Variants in ARB2A observed in about 807,000 individuals in gnomAD.
ARB2A encodes the protein ARB2 cotranscriptional regulator A, also known as cotranscriptional regulator ARB2A.
the ARB2A span, among the ~76,000 whole-genome samples, chr5:93,949,356 A>G: frequency 6.6e-6 from 1 of 151,814 alleles, no homozygotes; most frequent in East Asian, 2.0e-4. Flanking sequence ...AGGTCAAGAG[A>G]TCAAGACCAT....
the ARB2A span, among the ~76,000 whole-genome samples, chr5:93,715,135 G>GA: frequency 3.3e-5 from 5 of 151,890 alleles, no homozygotes; most frequent in Non-Finnish European, 7.4e-5. Context: ...CTACTTTTGT[G>GA]AAAAAAATCT....
chr5:94,002,871 C>G, the ARB2A span, among the ~76,000 whole-genome samples: 1 of 151,970 alleles, frequency 6.6e-6, no homozygotes, highest in Non-Finnish European at 1.5e-5. Flanking sequence ...AACATACACT[C>G]ATAAAGCGGG....
chr5:94,041,536 G>C, the ARB2A span, among the ~76,000 whole-genome samples: 1 of 152,042 alleles, frequency 6.6e-6, no homozygotes, highest in Non-Finnish European at 1.5e-5. Flanking sequence ...AATAATAAGA[G>C]CTTAAATTAA....
At chr5:93,671,600 AT>A in the ARB2A span, among the ~76,000 whole-genome samples, 1 of 152,280 alleles carries the variant, frequency 6.6e-6, no homozygotes, top group African/African-American at 2.4e-5. Flanking sequence ...TATTAAAAAA[AT>A]GAAGCAAAAT....
chr5:93,873,857 T>G, the ARB2A span, among the ~76,000 whole-genome samples: 1 of 152,148 alleles, frequency 6.6e-6, no homozygotes, highest in African/African-American at 2.4e-5. Context: ...ATTAGCACAT[T>G]TAGGAAAAGA....
At chr5:94,012,031 A>G in the ARB2A span, among the ~76,000 whole-genome samples, 2 of 152,082 alleles carry the variant, frequency 1.3e-5, no homozygotes, top group African/African-American at 4.8e-5. Flanking sequence ...GTGACATGAC[A>G]GCATAGTTAA....
At chr5:94,054,457 G>A in the ARB2A span, among the ~76,000 whole-genome samples, 1 of 152,070 alleles carries the variant, frequency 6.6e-6, no homozygotes, top group Non-Finnish European at 1.5e-5. Context: ...TTCTGCTTAT[G>A]ATTAGACTAG....
chr5:93,892,558 T>G, the ARB2A span, among the ~76,000 whole-genome samples: 6 of 152,148 alleles, frequency 3.9e-5, no homozygotes, highest in Non-Finnish European at 8.8e-5. Context: ...GTTCTTAACA[T>G]GCCAATTAGA....
chr5:93,673,579 A>C, the ARB2A span, among the ~76,000 whole-genome samples: 1 of 152,200 alleles, frequency 6.6e-6, no homozygotes, highest in African/African-American at 2.4e-5. Context: ...AAATGCCCAC[A>C]AACAGCCCAT....
chr5:94,103,169 A>G, the ARB2A span, among the ~76,000 whole-genome samples: 1 of 152,104 alleles, frequency 6.6e-6, no homozygotes, highest in Non-Finnish European at 1.5e-5. Flanking sequence ...TCACATATCA[A>G]TACTGACTCT....
chr5:93,695,826 A>G, the ARB2A span, among the ~76,000 whole-genome samples: 1 of 152,206 alleles, frequency 6.6e-6, no homozygotes, highest in Admixed American at 6.5e-5. Flanking sequence ...AAAATGTGGC[A>G]CATATACACT....
the ARB2A span, among the ~76,000 whole-genome samples, chr5:93,664,117 C>G: frequency 6.7e-6 from 1 of 149,906 alleles, no homozygotes; most frequent in African/African-American, 2.5e-5. Context: ...GTCACCCAGG[C>G]TGGGCGGGGG....
chr5:93,891,276 C>A, the ARB2A span, among the ~76,000 whole-genome samples: 1 of 152,058 alleles, frequency 6.6e-6, no homozygotes, highest in Non-Finnish European at 1.5e-5. Context: ...ATTTTGAATT[C>A]TCTTACCTGG....
the ARB2A span, among the ~76,000 whole-genome samples, chr5:94,076,912 C>CA: frequency 6.6e-6 from 1 of 151,964 alleles, no homozygotes; most frequent in Admixed American, 6.6e-5. Context: ...ACTGGTTTAA[C>CA]AAAGGTAAAA....
the ARB2A span, among the ~76,000 whole-genome samples, chr5:93,673,875 C>A: frequency 2.8e-4 from 42 of 151,970 alleles, 1 homozygote; most frequent in Admixed American, 2.7e-3. Context: ...TTGAAAAAAA[C>A]TGCAAAGCAA....
the ARB2A span, among the ~76,000 whole-genome samples, chr5:93,758,650 G>C: frequency 6.6e-6 from 1 of 152,092 alleles, no homozygotes; most frequent in Non-Finnish European, 1.5e-5. Flanking sequence ...TGAACATTGG[G>C]TCAAAAACAA....
the ARB2A span, chr5:93,776,161 G>A: frequency 6.2e-7 from 1 of 1,606,346 alleles, no homozygotes; most frequent in Admixed American, 1.7e-5. Context: ...ACACATACCT[G>A]CTGAGACCCG....
chr5:94,002,707 T>A, the ARB2A span, among the ~76,000 whole-genome samples: 1 of 151,782 alleles, frequency 6.6e-6, no homozygotes, highest in African/African-American at 2.4e-5. Flanking sequence ...TTTCTTTTTT[T>A]TTAAAAAAAA....
the ARB2A span, among the ~76,000 whole-genome samples, chr5:93,731,823 G>A: frequency 6.6e-6 from 1 of 152,166 alleles, no homozygotes; most frequent in Non-Finnish European, 1.5e-5. Context: ...AGGCTGCACA[G>A]TTTTAAAAAA....
Sources: gnomAD v4.1 joint callset for allele counts (sites outside exome capture counted in the v4.1 genomes callset) on GRCh38, gnomAD v4.1.1 for gene constraint, MANE v1.5 for transcripts, NCBI Gene and HGNC (gene_info 2026-07-23, HGNC 2026-07-21) for gene names.